Variants in ALDH1A1 observed in about 807,000 individuals in gnomAD.
The protein encoded by ALDH1A1 is aldehyde dehydrogenase 1 family member A1.
Under a neutral mutation model 62.1 loss-of-function variants are expected in ALDH1A1, and 19 were observed. The observed-to-expected ratio is 0.31, with a 90% CI of 0.21 to 0.45. The LOEUF is 0.45. Among genes scored for constraint, ALDH1A1 ranks in the 20% least tolerant of loss-of-function variants. ALDH1A1 has a pLI of 1.00. For synonymous variants in ALDH1A1, 231 were observed against 215.9 expected (o/e 1.07, Z -0.61); for missense variants, 521 against 607.1 (o/e 0.86, Z 1.49).
At chr9:72,949,502 C>T (rs189817316) in intron 1 of ALDH1A1, among the ~76,000 whole-genome samples, 4 of 151,908 alleles carry the variant, frequency 2.6e-5, no homozygotes, top group African/African-American at 4.8e-5. Flanking sequence ...AGTTACATAG[C>T]CGCTCTGTTC....
At chr9:72,940,092 A>T in intron 2 of ALDH1A1, 56 bp downstream of exon 2, 1 of 1,361,678 alleles carries the variant, frequency 7.3e-7, no homozygotes, top group Non-Finnish European at 1.0e-6. Context: ...AGGAGCTCAG[A>T]ATGGCAAAAA....
intron 11 of ALDH1A1, among the ~76,000 whole-genome samples, chr9:72,907,384 A>G (rs1333661025): frequency 1.3e-5 from 2 of 152,204 alleles, no homozygotes; most frequent in Admixed American, 1.3e-4. Context: ...CTTCTAGGAT[A>G]TGTAGTAACA....
At chr9:72,923,333 C>T (rs771135049) in intron 7 of ALDH1A1, among the ~76,000 whole-genome samples, 5 of 152,156 alleles carry the variant, frequency 3.3e-5, no homozygotes, top group Non-Finnish European at 5.9e-5. Flanking sequence ...AACAAAGTCA[C>T]GTAATTTAAT....
intron 1 of ALDH1A1, chr9:72,942,314 T>A (rs1390558941): frequency 2.0e-6 from 2 of 985,232 alleles, no homozygotes; most frequent in Non-Finnish European, 2.4e-6. Flanking sequence ...CTCAGCTCAC[T>A]GTCATCTCTA....
At chr9:72,921,520 TCA>T (rs375641258) in intron 7 of ALDH1A1, among the ~76,000 whole-genome samples, 2,559 of 115,640 alleles carry the variant, frequency 0.022, 47 homozygotes, top group African/African-American at 0.076. Context: ...TTTTTTTTTT[TCA>T]TTTTTTTTTT....
intron 7 of ALDH1A1, among the ~76,000 whole-genome samples, chr9:72,920,400 G>T (rs1303519380): frequency 6.6e-6 from 1 of 152,094 alleles, no homozygotes; most frequent in African/African-American, 2.4e-5. Context: ...TTTCATTTAA[G>T]ATGTTAAGGA....
intron 3 of ALDH1A1, among the ~76,000 whole-genome samples, 172 bp from the exon 4 acceptor site, chr9:72,929,193 A>G (rs1830249163): frequency 6.6e-6 from 1 of 152,206 alleles, no homozygotes. Context: ...TAGGTCAAAT[A>G]GCAAGATCTG....
chr9:72,940,130 T>A lies in ALDH1A1; in HGVS notation c.171+18A>T. 6.4e-7 allele frequency: 1 copy of A among 1,572,682 alleles called. No individual in the cohort carries two copies. The highest frequency in any genetic ancestry group is 8.8e-7 in the Non-Finnish European group (1 of 1,142,796). ...CAAGAAACCTGGCATAAAATGAAAC[T>A]AGTGTTCAGAAACTCACCTTATCTC... On this transcript the variant is annotated intron_variant, in intron 2 of 12. Transcript: ENST00000297785.
intron 7 of ALDH1A1, among the ~76,000 whole-genome samples, chr9:72,923,556 T>C (rs552161648): frequency 6.6e-6 from 1 of 152,128 alleles, no homozygotes; most frequent in Non-Finnish European, 1.5e-5. Context: ...GCAGAAAAGT[T>C]AGTCTAGGTA....
chr9:72,930,059 T>A (rs914615639), intron 3 of ALDH1A1, among the ~76,000 whole-genome samples: 2 of 152,222 alleles, frequency 1.3e-5, no homozygotes, highest in East Asian at 3.9e-4. Context: ...ATGCTAATGT[T>A]GATTTTTTAA....
intron 6 of ALDH1A1, among the ~76,000 whole-genome samples, chr9:72,924,431 T>C (rs934939121): frequency 6.6e-6 from 1 of 152,232 alleles, no homozygotes; most frequent in Non-Finnish European, 1.5e-5. Context: ...AAAGATTGTA[T>C]GTAAAAAAGT....
In ALDH1A1 at chr9:72,921,101, G is replaced by A. The variant is rs542320235; in HGVS notation, c.748-2279C>T. 1.7e-3 allele frequency among the ~76,000 whole-genome samples: 265 copies of A among 152,218 alleles called. 2 individuals carry two copies. Among genetic ancestry groups the A allele is most frequent in the African/African-American group, 5.9e-3 (247 of 41,538 alleles). On this transcript the variant is annotated intron_variant, in intron 7 of 12. Transcript: ENST00000297785. ...ACTCTACTAAAAGTACAAAAAATTA[G>A]CTGGGCGTGGTGGTGGGCGCCTGTA...
chr9:72,913,509 C>T (rs951722105), intron 9 of ALDH1A1, among the ~76,000 whole-genome samples: 1 of 152,122 alleles, frequency 6.6e-6, no homozygotes, highest in Admixed American at 6.6e-5. Context: ...CCACATAAAG[C>T]TTTCTGTCTT....
chr9:72,917,847 A>G (rs1396993247), intron 8 of ALDH1A1, among the ~76,000 whole-genome samples: 1 of 152,244 alleles, frequency 6.6e-6, no homozygotes, highest in African/African-American at 2.4e-5. Context: ...TCAATGTTAT[A>G]GCAACTGGGT....
rs371633975 is a variant in ALDH1A1 at position 72,925,198 on chromosome 9, A to G, written c.633+286T>C. On this transcript the variant is annotated intron_variant, in intron 6 of 12. Transcript: ENST00000297785. Reference sequence around the variant, plus strand: ...TTTGAAAGAATGCTACATTAATTTCAACATGAATTTATGTTCATGAGAGTT... The same window carrying G: ...TTTGAAAGAATGCTACATTAATTTCGACATGAATTTATGTTCATGAGAGTT... Among the ~76,000 whole-genome samples, 66 of 152,344 alleles carry G rather than the reference A, an allele frequency of 4.3e-4. No individual in the cohort carries two copies. In the South Asian group the frequency reaches 0.013, roughly 30 times the overall value.
At chr9:72,944,344 G>A (rs1830450713) in intron 1 of ALDH1A1, among the ~76,000 whole-genome samples, 1 of 152,078 alleles carries the variant, frequency 6.6e-6, no homozygotes, top group Admixed American at 6.6e-5. Context: ...CACAAACAGA[G>A]GCGTTTCAGC....
intron 9 of ALDH1A1, among the ~76,000 whole-genome samples, chr9:72,914,113 T>G (rs1830028448): frequency 6.6e-6 from 1 of 151,908 alleles, no homozygotes; most frequent in Non-Finnish European, 1.5e-5. Context: ...AGGTAGGTCA[T>G]GATATGGTAA....
rs149823702 is a variant in ALDH1A1, at chr9:72,911,211, T to G, written c.1200+747A>C. Among the ~76,000 whole-genome samples, 535 of 152,146 alleles carry G rather than the reference T, an allele frequency of 3.5e-3. 3 individuals are homozygous for G. Among genetic ancestry groups the G allele is most frequent in the African/African-American group, 0.012 (513 of 41,498 alleles). ...ATACAAAATCAGGAAGTCTAACAGC[T>G]GAAACAAATAGGACTAAGAGCACAT... is the stretch of plus-strand genomic sequence containing the variant. On this transcript the variant is annotated intron_variant, in intron 10 of 12. Coordinates refer to ENST00000297785, the MANE Select transcript of ALDH1A1 (RefSeq NM_000689.5).
chr9:72,947,034 A>C (rs1260804385), intron 1 of ALDH1A1, among the ~76,000 whole-genome samples: 1 of 151,954 alleles, frequency 6.6e-6, no homozygotes, highest in Non-Finnish European at 1.5e-5. Context: ...AGCCCTTATG[A>C]AATGGGGACA....
Sources: gnomAD v4.1 joint callset for allele counts (sites outside exome capture counted in the v4.1 genomes callset) on GRCh38, gnomAD v4.1.1 for gene constraint, MANE v1.5 for transcripts, NCBI Gene and HGNC (gene_info 2026-07-23, HGNC 2026-07-21) for gene names.